CAST: variants seen among roughly 807,000 people sequenced by gnomAD.
CAST encodes calpastatin.
Under a neutral mutation model 119.6 loss-of-function variants are expected in CAST, and 76 were observed. The observed-to-expected ratio is 0.64, with a 90% confidence interval of 0.53 to 0.77. The LOEUF is 0.77. CAST is among the 30% of genes least tolerant of loss of function. The pLI is 0.00. For synonymous variants in CAST, 319 were observed against 331.6 expected, an observed-to-expected ratio of 0.96 and a Z score of 0.41; for missense variants, 953 against 946.5, an observed-to-expected ratio of 1.01 and a Z score of -0.09.
the CAST span, among the ~76,000 whole-genome samples, chr5:96,446,338 G>A: frequency 1.4e-4 from 21 of 152,196 alleles, no homozygotes; most frequent in African/African-American, 4.6e-4. Flanking sequence ...ATTGCAAACC[G>A]CTCTACCATT....
the CAST span, among the ~76,000 whole-genome samples, chr5:96,401,373 C>T: frequency 1.3e-5 from 2 of 152,118 alleles, no homozygotes; most frequent in African/African-American, 4.8e-5. Flanking sequence ...AGATGACAGC[C>T]TGGTTTGCTG....
chr5:96,158,024 G>A, the CAST span, among the ~76,000 whole-genome samples: 3 of 151,864 alleles, frequency 2.0e-5, no homozygotes, highest in Admixed American at 6.6e-5. Flanking sequence ...TACAGCTCTT[G>A]GAATGTAATT....
chr5:96,423,273 C>T, the CAST span: 2 of 1,579,460 alleles, frequency 1.3e-6, no homozygotes, highest in East Asian at 2.3e-5. Flanking sequence ...TCTGCACAGA[C>T]AGCTCCCTAA....
chr5:96,102,549 G>A, the CAST span, among the ~76,000 whole-genome samples: 1 of 152,094 alleles, frequency 6.6e-6, no homozygotes, highest in African/African-American at 2.4e-5. Flanking sequence ...TCTCACTTTG[G>A]GCCGTGGGTT....
At chr5:96,743,797 A>G (rs899776794) in intron 16 of CAST, 22 of 1,183,246 alleles carry the variant, frequency 1.9e-5, no homozygotes, top group Non-Finnish European at 2.7e-5. Context: ...TGTGAGATAT[A>G]CATTACTTAG....
intron 1 of CAST, among the ~76,000 whole-genome samples, chr5:96,621,891 G>T (rs1238449637): frequency 6.6e-6 from 1 of 151,832 alleles, no homozygotes; most frequent in Non-Finnish European, 1.5e-5. Flanking sequence ...AAGACCATAA[G>T]AAAGGGAAGC....
the CAST span, among the ~76,000 whole-genome samples, chr5:96,384,400 G>A: frequency 8.2e-4 from 125 of 152,112 alleles, no homozygotes; most frequent in Non-Finnish European, 1.0e-3. Context: ...AGGGATAAAC[G>A]AAAGCTGTCC....
At chr5:96,076,769 G>A in the CAST span, among the ~76,000 whole-genome samples, 1 of 152,042 alleles carries the variant, frequency 6.6e-6, no homozygotes, top group African/African-American at 2.4e-5. Context: ...ATTTTGTGAA[G>A]TTGTTCATTT....
the CAST span, among the ~76,000 whole-genome samples, chr5:96,204,708 C>A: frequency 6.6e-6 from 1 of 151,966 alleles, no homozygotes; most frequent in Non-Finnish European, 1.5e-5. Context: ...AGTGAGTTTT[C>A]CTTCTCCAGT....
chr5:96,684,299 T>C (rs1475254526), intron 2 of CAST, among the ~76,000 whole-genome samples: 1 of 152,128 alleles, frequency 6.6e-6, no homozygotes, highest in Non-Finnish European at 1.5e-5. Context: ...ATTGTTATTA[T>C]TATTATTGGT....
the CAST span, among the ~76,000 whole-genome samples, chr5:96,447,917 T>TA: frequency 6.6e-6 from 1 of 151,624 alleles, no homozygotes; most frequent in African/African-American, 2.4e-5. Context: ...AAACAAGAAG[T>TA]AAAAACCTGC....
chr5:96,325,293 A>G, the CAST span, among the ~76,000 whole-genome samples: 1 of 152,170 alleles, frequency 6.6e-6, no homozygotes, highest in Non-Finnish European at 1.5e-5. Flanking sequence ...GAGAATTCCT[A>G]TGCATGCTTA....
the CAST span, among the ~76,000 whole-genome samples, chr5:96,147,304 C>T: frequency 2.6e-5 from 4 of 152,182 alleles, no homozygotes; most frequent in African/African-American, 9.7e-5. Flanking sequence ...TACTTTTAAC[C>T]TTGTTACAAA....
At chr5:96,143,488 C>A in the CAST span, among the ~76,000 whole-genome samples, 1 of 152,212 alleles carries the variant, frequency 6.6e-6, no homozygotes, top group South Asian at 2.1e-4. Flanking sequence ...GAAGCTGTGA[C>A]CCAGAATTGA....
At chr5:96,063,626 CTT>C in the CAST span, among the ~76,000 whole-genome samples, 1 of 152,174 alleles carries the variant, frequency 6.6e-6, no homozygotes, top group East Asian at 1.9e-4. Flanking sequence ...CATTCAAACT[CTT>C]TACACGCAGA....
chr5:96,749,191 TACTC>T (rs1764432970), intron 19 of CAST, among the ~76,000 whole-genome samples: 1 of 152,338 alleles, frequency 6.6e-6, no homozygotes, highest in Admixed American at 6.5e-5. Flanking sequence ...ACTAAAGTCT[TACTC>T]ATCTTTTCAA....
the CAST span, among the ~76,000 whole-genome samples, chr5:96,513,065 C>T: frequency 4.0e-4 from 61 of 152,322 alleles, no homozygotes; most frequent in Admixed American, 9.8e-4. Context: ...CTGCTTATCA[C>T]TCATTTGGGT....
In CAST at chr5:96,771,630, G is replaced by C. The variant is rs1333328351; in HGVS notation, c.2341-14G>C. On this transcript the variant is annotated splice_polypyrimidine_tract_variant and intron_variant, in intron 30 of 31. Coordinates refer to ENST00000675179, the MANE Select transcript of CAST (RefSeq NM_001750.7). ...GAAAAGAAAGCTCACGGATGGTTTT[G>C]CTTTCCCTTTTAGACAACAGAGGAA... is the stretch of plus-strand genomic sequence containing the variant. The C allele has an allele frequency of 1.2e-6, 2 of 1,609,360 alleles. No individual in the cohort carries two copies. Among genetic ancestry groups the C allele is most frequent in the South Asian group, 1.1e-5 (1 of 90,746 alleles).
chr5:96,436,049 A>C, the CAST span, among the ~76,000 whole-genome samples: 2 of 152,240 alleles, frequency 1.3e-5, no homozygotes, highest in African/African-American at 4.8e-5. Context: ...TCTTCAAGAG[A>C]TGTTAAAGAA....
Sources: gnomAD v4.1 joint callset for allele counts (sites outside exome capture counted in the v4.1 genomes callset) on GRCh38, gnomAD v4.1.1 for gene constraint, MANE v1.5 for transcripts, NCBI Gene and HGNC (gene_info 2026-07-23, HGNC 2026-07-21) for gene names.